The following ELAPOR1 variants were observed in gnomAD, a reference collection of about 807,000 sequenced individuals.
The protein encoded by ELAPOR1 is endosome/lysosome-associated apoptosis and autophagy regulator 1.
Under a neutral mutation model 119.7 loss-of-function variants are expected in ELAPOR1, and 77 were observed. The observed-to-expected ratio is 0.64, with a 90% confidence interval of 0.54 to 0.78. The LOEUF (loss-of-function observed/expected upper bound fraction) is 0.78, where lower values mean the gene tolerates loss of function less well. Ranked by LOEUF, ELAPOR1 falls within the 30% of genes least tolerant of loss-of-function variation. The pLI is 0.00. For synonymous variants in ELAPOR1, 481 were observed against 487.2 expected (o/e 0.99, Z 0.17); for missense variants, 1,115 against 1,270.4 (o/e 0.88, Z 1.86).
intron 8 of ELAPOR1, chr1:109,186,626 T>C: frequency 1.0e-6 from 1 of 985,448 alleles, no homozygotes; most frequent in Non-Finnish European, 1.2e-6. Context: ...CTCAGTTCTG[T>C]GGTGTCTGGT....
chr1:109,173,627 C>T (rs754823613), intron 6 of ELAPOR1, 48 bp downstream of exon 6: 1 of 1,612,582 alleles, frequency 6.2e-7, no homozygotes, highest in South Asian at 1.1e-5. Flanking sequence ...ACTTTGCAGT[C>T]TCCTGGGGAC....
chr1:109,131,498 C>T (rs1649146110), intron 1 of ELAPOR1, among the ~76,000 whole-genome samples: 1 of 152,116 alleles, frequency 6.6e-6, no homozygotes, highest in Non-Finnish European at 1.5e-5. Flanking sequence ...TCTTAAATCT[C>T]CATGTTATTA....
chr1:109,135,289 G>A (rs1296333409), intron 1 of ELAPOR1, among the ~76,000 whole-genome samples: 1 of 152,210 alleles, frequency 6.6e-6, no homozygotes, highest in Non-Finnish European at 1.5e-5. Context: ...TGTCCCCGAG[G>A]CTAGAGTGAA....
At chr1:109,141,773 C>T (rs1301694159) in intron 1 of ELAPOR1, among the ~76,000 whole-genome samples, 2 of 151,860 alleles carry the variant, frequency 1.3e-5, no homozygotes, top group Non-Finnish European at 2.9e-5. Flanking sequence ...TCACATGATC[C>T]TCCTACCTCA....
At chr1:109,158,536 A>T (rs1201940559) in intron 1 of ELAPOR1, among the ~76,000 whole-genome samples, 1 of 152,068 alleles carries the variant, frequency 6.6e-6, no homozygotes, top group Non-Finnish European at 1.5e-5. Flanking sequence ...AGGATGCGCT[A>T]ACTACAGTTC....
chr1:109,140,349 G>A (rs987843947), intron 1 of ELAPOR1, among the ~76,000 whole-genome samples: 4 of 152,164 alleles, frequency 2.6e-5, no homozygotes, highest in African/African-American at 9.7e-5. Context: ...TGGCTAGGGT[G>A]CAGGGTTGGA....
chr1:109,171,916 G>C lies in ELAPOR1; in HGVS notation c.518G>C (p.Cys173Ser). The stretch of plus-strand genomic sequence containing the variant: ...TACATCGCCTCCAACACGGACGAAT[G>C]CACAGCCACACTGATGTACGCCGTC... ...GDYIASNTDE[C>S]TATLMYAVNL... The change falls in exon 4 of 22, where the codon TGC becomes TCC. Residue 173 changes from cysteine to serine, a missense_variant. By Grantham distance (112) the Cys-to-Ser change is moderately radical. Transcript: ENST00000369939. 6.2e-7 allele frequency: 1 copy of C among 1,614,232 alleles called. No homozygotes were observed. Among genetic ancestry groups the C allele is most frequent in the South Asian group, 1.1e-5 (1 of 91,090 alleles).
At chr1:109,177,871 T>C (rs1570692955) in intron 7 of ELAPOR1, among the ~76,000 whole-genome samples, 4 of 152,284 alleles carry the variant, frequency 2.6e-5, no homozygotes, top group Non-Finnish European at 5.9e-5. Context: ...TGATCAACTC[T>C]GTGTAAGCTG....
intron 1 of ELAPOR1, among the ~76,000 whole-genome samples, chr1:109,118,759 AG>A (rs1648189919): frequency 6.6e-6 from 1 of 152,174 alleles, no homozygotes; most frequent in Non-Finnish European, 1.5e-5. Flanking sequence ...TTTAGGGAGC[AG>A]AGTGTTCCCT....
intron 7 of ELAPOR1, among the ~76,000 whole-genome samples, chr1:109,175,010 C>T (rs1481815002): frequency 3.9e-5 from 6 of 151,960 alleles, no homozygotes; most frequent in Non-Finnish European, 7.4e-5. Flanking sequence ...CCACCGCGCC[C>T]GGCCTGGGTT....
At chr1:109,187,621 C>T in intron 8 of ELAPOR1, 1 of 1,002,358 alleles carries the variant, frequency 1.0e-6, no homozygotes, top group Non-Finnish European at 1.2e-6. Flanking sequence ...GTCATCTCCA[C>T]TTCTGTACCC....
At chr1:109,132,666 C>T (rs1339983328) in intron 1 of ELAPOR1, among the ~76,000 whole-genome samples, 1 of 152,066 alleles carries the variant, frequency 6.6e-6, no homozygotes. Flanking sequence ...AAGTAATAAG[C>T]CATGCAAGGG....
At chr1:109,142,817 G>A (rs1353605133) in intron 1 of ELAPOR1, among the ~76,000 whole-genome samples, 1 of 152,160 alleles carries the variant, frequency 6.6e-6, no homozygotes, top group Non-Finnish European at 1.5e-5. Flanking sequence ...CAAGAGAATT[G>A]AGAACATATA....
intron 1 of ELAPOR1, among the ~76,000 whole-genome samples, chr1:109,157,253 A>G (rs139381775): frequency 0.011 from 1,609 of 152,268 alleles, 23 homozygotes; most frequent in African/African-American, 0.036. Context: ...GCCTGGGTCC[A>G]ATCCTGGTTT....
intron 3 of ELAPOR1, among the ~76,000 whole-genome samples, chr1:109,166,254 T>C (rs1651594840): frequency 6.6e-6 from 1 of 152,000 alleles, no homozygotes; most frequent in African/African-American, 2.4e-5. Flanking sequence ...GGTTTCACCA[T>C]GTTGGCCAGG....
intron 7 of ELAPOR1, among the ~76,000 whole-genome samples, chr1:109,183,773 C>A (rs1370243934): frequency 6.6e-6 from 1 of 152,016 alleles, no homozygotes; most frequent in Non-Finnish European, 1.5e-5. Flanking sequence ...TGCACCACCA[C>A]GCCCGGCTAA....
rs561531924 is a variant in ELAPOR1 at position 109,140,216 on chromosome 1, C to T, written c.154-21678C>T. On this transcript the variant is annotated intron_variant, in intron 1 of 21. Transcript: ENST00000369939. ...TCCCTGGGGTTATAGGATGCACAACCTGTACATCTGTACATATTGGCTCTC... is the reference window on the plus strand; with the variant it reads ...TCCCTGGGGTTATAGGATGCACAACTTGTACATCTGTACATATTGGCTCTC... Among the ~76,000 whole-genome samples the T allele has an allele frequency of 2.8e-4, 43 of 152,154 alleles. 1 individual carries two copies. Among genetic ancestry groups the T allele is most frequent in the African/African-American group, 1.0e-3 (42 of 41,420 alleles).
chr1:109,197,159 A>C (rs951092928), intron 15 of ELAPOR1, among the ~76,000 whole-genome samples: 1 of 150,220 alleles, frequency 6.7e-6, no homozygotes, highest in Non-Finnish European at 1.5e-5. Context: ...AAAAAAAATT[A>C]ACCTGCGGTT....
At chr1:109,130,643 G>A (rs1649102583) in intron 1 of ELAPOR1, among the ~76,000 whole-genome samples, 1 of 151,896 alleles carries the variant, frequency 6.6e-6, no homozygotes, top group Non-Finnish European at 1.5e-5. Context: ...ACTGCACCCG[G>A]CCAGCATATC....
Sources: gnomAD v4.1 joint callset for allele counts (sites outside exome capture counted in the v4.1 genomes callset) on GRCh38, gnomAD v4.1.1 for gene constraint, MANE v1.5 for transcripts, NCBI Gene and HGNC (gene_info 2026-07-23, HGNC 2026-07-21) for gene names.